Variants in COPS3 observed in about 807,000 individuals in gnomAD.
The protein encoded by COPS3 is COP9 signalosome complex subunit 3.
A neutral mutation model predicts 58.2 loss-of-function variants in COPS3; 10 were observed. The observed-to-expected ratio is 0.17, with a 90% CI of 0.11 to 0.29. The LOEUF (loss-of-function observed/expected upper bound fraction) is 0.29, where lower values mean the gene tolerates loss of function less well. Among genes scored for constraint, COPS3 ranks in the 10% least tolerant of loss-of-function variants. The pLI is 1.00. For missense variants in COPS3, 333 were observed against 510.1 expected, an observed-to-expected ratio of 0.65 and a Z score of 3.34; for synonymous variants, 187 against 181.7, an observed-to-expected ratio of 1.03 and a Z score of -0.24.
intron 8 of COPS3, 85 bp from the exon 9 acceptor site, chr17:17,255,030 G>A: frequency 3.4e-6 from 3 of 878,156 alleles, no homozygotes; most frequent in Non-Finnish European, 5.6e-6. Context: ...GGCCAGGCGT[G>A]GTGGCTCATG....
Position 17,247,006 on chromosome 17 carries a change from G to A in COPS3, c.*92C>T. 9.0e-7 allele frequency: 1 copy of A among 1,111,556 alleles called. No individual in the cohort carries two copies. The highest frequency in any genetic ancestry group is 1.7e-5 in the Admixed American group (1 of 59,018). 68.9% of individuals were successfully genotyped at this position (1,111,556 alleles called of 1,614,324 possible). On this transcript the variant is annotated 3_prime_UTR_variant, in exon 12 of 12. Transcript: ENST00000268717. ...AAACTTAATTTCTTAGTCTCCAGGT[G>A]ACACAGGCTTGGTCCTCTCTGCTGC...
At chr17:17,274,489 G>A (rs1165306530) in intron 2 of COPS3, among the ~76,000 whole-genome samples, 3 of 149,084 alleles carry the variant, frequency 2.0e-5, no homozygotes, top group Non-Finnish European at 4.4e-5. Flanking sequence ...CAGTGGCGTT[G>A]TCTCAGCTCA....
intron 4 of COPS3, chr17:17,268,179 TAACTC>T: frequency 1.7e-6 from 1 of 593,970 alleles, no homozygotes; most frequent in South Asian, 3.6e-5. Flanking sequence ...AATTTTTAGA[TAACTC>T]AGCACCATTT....
chr17:17,259,840 G>A (rs753238805), intron 8 of COPS3, among the ~76,000 whole-genome samples: 34 of 151,902 alleles, frequency 2.2e-4, no homozygotes, highest in Non-Finnish European at 4.4e-4. Context: ...GGTGCAATGA[G>A]CCGAAATCAC....
Position 17,246,628 on chromosome 17 carries a change from C to CT in COPS3, c.*469dup, listed in dbSNP as rs759325612. Reference sequence around the variant, plus strand: ...GTGTGAGCCACTGTGTCTGTCTGGCCTTTCTTTTCTTTTATTTTCTGAAGA... The same window carrying CT: ...GTGTGAGCCACTGTGTCTGTCTGGCCTTTTCTTTTCTTTTATTTTCTGAAGA... On this transcript the variant is annotated 3_prime_UTR_variant, in exon 12 of 12. Coordinates refer to ENST00000268717, the MANE Select transcript of COPS3 (RefSeq NM_003653.4). Among the ~76,000 whole-genome samples the CT allele has an allele frequency of 3.3e-5, 5 of 149,710 alleles. No individual in the cohort carries two copies.
chr17:17,248,992 C>A lies in COPS3; in HGVS notation c.1071G>T (p.Met357Ile). The change falls in exon 10 of 12, where the codon ATG becomes ATT. Residue 357 changes from methionine (M) to isoleucine (I), a missense_variant. Met to Ile is a conservative substitution (Grantham distance 10, BLOSUM62 1). Transcript: ENST00000268717. ...IFASINQKDGMVSFHDNPEKY... is the reference protein window; with the variant it reads ...IFASINQKDGIVSFHDNPEKY... ...TTTCAGGGTTATCATGGAAACTGAC[C>A]ATACCGTCCTTCTGGTTAATACTTG... is the stretch of plus-strand genomic sequence containing the variant. 6.2e-7 allele frequency: 1 copy of A among 1,610,338 alleles called. No homozygotes were observed. The highest frequency in any genetic ancestry group is 8.5e-7 in the Non-Finnish European group (1 of 1,178,922).
intron 9 of COPS3, among the ~76,000 whole-genome samples, chr17:17,252,046 G>A (rs2047858162): frequency 6.6e-6 from 1 of 151,722 alleles, no homozygotes; most frequent in Non-Finnish European, 1.5e-5. Context: ...TCCAGCCTGG[G>A]TGACAGAGCA....
intron 7 of COPS3, chr17:17,261,497 G>A: frequency 3.5e-6 from 1 of 289,166 alleles, no homozygotes; most frequent in Non-Finnish European, 6.5e-6. Flanking sequence ...CTGCACTCCA[G>A]CTTTGGTGAC....
At chr17:17,261,560 A>G (rs925049661) in intron 7 of COPS3, 3 of 344,080 alleles carry the variant, frequency 8.7e-6, no homozygotes, top group African/African-American at 2.3e-5. Context: ...AATGAAAAAT[A>G]TAACAAAACA....
Position 17,261,883 on chromosome 17 carries a change from G to A in COPS3, c.762+83C>T, listed in dbSNP as rs1276668270. On this transcript the variant is annotated intron_variant, in intron 7 of 11. Coordinates refer to ENST00000268717, the MANE Select transcript of COPS3 (RefSeq NM_003653.4). ...TAGGAGAGCTAAATCAGTATAAAACGAAGTTACAGAACTGTATCATTGCAA... is the reference window on the plus strand; with the variant it reads ...TAGGAGAGCTAAATCAGTATAAAACAAAGTTACAGAACTGTATCATTGCAA... 23 of 1,251,186 alleles carry A rather than the reference G, an allele frequency of 1.8e-5. 1 individual carries two copies. Among genetic ancestry groups the A allele is most frequent in the Admixed American group, 1.4e-4 (6 of 42,734 alleles). 77.5% of individuals were successfully genotyped at this position (1,251,186 alleles called of 1,614,324 possible).
chr17:17,261,764 G>A, intron 7 of COPS3: 1 of 507,438 alleles, frequency 2.0e-6, no homozygotes, highest in Non-Finnish European at 3.5e-6. Flanking sequence ...TAGAGCACAA[G>A]TTTGAAAACG....
intron 1 of COPS3, among the ~76,000 whole-genome samples, chr17:17,277,255 G>T (rs372819363): frequency 1.2e-4 from 18 of 152,236 alleles, no homozygotes; most frequent in Non-Finnish European, 2.2e-4. Flanking sequence ...TCTCTGCCTC[G>T]CATGGGACTG....
intron 4 of COPS3, among the ~76,000 whole-genome samples, chr17:17,269,952 T>A (rs1285627115): frequency 6.6e-6 from 1 of 151,954 alleles, no homozygotes; most frequent in Non-Finnish European, 1.5e-5. Flanking sequence ...AGCTCAGGAG[T>A]TCGAGACCAG....
intron 1 of COPS3, among the ~76,000 whole-genome samples, chr17:17,280,244 C>T (rs750785509): frequency 1.3e-5 from 2 of 152,200 alleles, no homozygotes; most frequent in African/African-American, 4.8e-5. Context: ...AACCCTGTCT[C>T]TACTAAAAAT....
intron 2 of COPS3, among the ~76,000 whole-genome samples, chr17:17,275,631 A>AAAAT (rs1053401245): frequency 1.3e-5 from 2 of 152,224 alleles, no homozygotes; most frequent in Admixed American, 6.5e-5. Flanking sequence ...TCTACACCAA[A>AAAAT]AAATAAATAA....
At chr17:17,252,326 T>G (rs575386138) in intron 9 of COPS3, among the ~76,000 whole-genome samples, 1 of 122,202 alleles carries the variant, frequency 8.2e-6, no homozygotes, top group South Asian at 2.9e-4. Flanking sequence ...GTCCTGACAT[T>G]TGGGGGCAGA....
chr17:17,265,862 A>G (rs2145227873), intron 5 of COPS3, among the ~76,000 whole-genome samples: 1 of 152,280 alleles, frequency 6.6e-6, no homozygotes, highest in East Asian at 1.9e-4. Context: ...GAACTAGTGG[A>G]ATAGAAAGAG....
intron 1 of COPS3, chr17:17,280,925 G>A (rs1214570261): frequency 3.4e-6 from 3 of 877,980 alleles, no homozygotes; most frequent in Non-Finnish European, 5.0e-6. Flanking sequence ...GGGGAGGCCG[G>A]CCGGCGAGGA....
Position 17,258,815 on chromosome 17 carries a change from C to G in COPS3, c.936+1486G>C, listed in dbSNP as rs527947058. 8.5e-5 allele frequency among the ~76,000 whole-genome samples: 13 copies of G among 152,256 alleles called. No homozygotes were observed. In the South Asian group the frequency reaches 2.7e-3, roughly 32 times the overall value. ...AAGTTACACTGGTTTTGATCTTTGA[C>G]TTGATTTCTCTTTCACGTTCTTCAT... is the stretch of plus-strand genomic sequence containing the variant. On this transcript the variant is annotated intron_variant, in intron 8 of 11. Transcript: ENST00000268717.
Sources: gnomAD v4.1 joint callset for allele counts (sites outside exome capture counted in the v4.1 genomes callset) on GRCh38, gnomAD v4.1.1 for gene constraint, MANE v1.5 for transcripts, NCBI Gene and HGNC (gene_info 2026-07-23, HGNC 2026-07-21) for gene names.